ABITRAM: variants seen among roughly 807,000 people sequenced by gnomAD.
ABITRAM encodes the protein protein Abitram.
Under a neutral mutation model 22.9 loss-of-function variants are expected in ABITRAM, and 19 were observed. The observed-to-expected ratio is 0.83, with a 90% CI of 0.58 to 1.22. The LOEUF is 1.22. Among genes scored for constraint, ABITRAM ranks in the 50% most tolerant of loss-of-function variants. The pLI, the probability that ABITRAM is intolerant of heterozygous loss-of-function variation, is 0.00. For synonymous variants in ABITRAM, 70 were observed against 73.9 expected (o/e 0.95, Z 0.27); for missense variants, 215 against 220.2 (o/e 0.98, Z 0.15).
intron 1 of ABITRAM, 24 bp from the exon 2 acceptor site, chr9:108,935,614 C>G (rs1360512902): frequency 1.9e-6 from 3 of 1,599,760 alleles, no homozygotes; most frequent in Non-Finnish European, 2.6e-6. Context: ...TTTCAGCCAC[C>G]AACAGACTCA....
chr9:108,937,629 A>G lies in ABITRAM; in HGVS notation c.261+1192A>G, dbSNP rs570932245. The stretch of plus-strand genomic sequence containing the variant: ...GAAAAGCATGCACCTCTCTTAAACG[A>G]TAGTCTACAAGTTACAATAACACTT... On this transcript the variant is annotated intron_variant, in intron 3 of 5. Coordinates refer to ENST00000322940, the MANE Select transcript of ABITRAM (RefSeq NM_017832.4). Among the ~76,000 whole-genome samples the G allele has an allele frequency of 3.3e-5, 5 of 152,280 alleles. No individual in the cohort carries two copies. In the South Asian group the frequency reaches 6.2e-4, roughly 19 times the overall value.
intron 3 of ABITRAM, 64 bp downstream of exon 3, chr9:108,936,501 C>A: frequency 6.5e-7 from 1 of 1,542,212 alleles, no homozygotes; most frequent in Non-Finnish European, 8.8e-7. Context: ...ATGACAGATC[C>A]AATGAACCTT....
rs560717022 is a variant in ABITRAM, at chr9:108,936,579, C to G, written c.261+142C>G. On this transcript the variant is annotated intron_variant, in intron 3 of 5. Transcript: ENST00000322940. ...GAGGTGCTAATTTTAGGTATACTTT[C>G]ACCTAAAGAAATTCTCAGCTCCCCC... 8 of 890,502 alleles carry G rather than the reference C, an allele frequency of 9.0e-6. No individual in the cohort carries two copies. The South Asian group carries it at 1.2e-4, about 13-fold the overall frequency. 55.2% of individuals were successfully genotyped at this position (890,502 alleles called of 1,614,324 possible).
At chr9:108,942,968 A>G (rs777353674), downstream of ABITRAM, 5 of 1,612,470 alleles carry the variant, frequency 3.1e-6, no homozygotes, top group Non-Finnish European at 8.5e-7. Context: ...CACCTTCTTC[A>G]GCAGTTTATA....
downstream of ABITRAM, among the ~76,000 whole-genome samples, chr9:108,943,475 G>A (rs1830306652): frequency 6.6e-6 from 1 of 152,184 alleles, no homozygotes; most frequent in South Asian, 2.1e-4. Context: ...TTGAAGGGCA[G>A]CTGTTCAGTG....
Position 108,935,642 on chromosome 9 carries a change from C to T in ABITRAM, c.84C>T (p.Val28=). 1 of 1,612,472 alleles carries T rather than the reference C, an allele frequency of 6.2e-7. No homozygotes were observed. Among genetic ancestry groups the T allele is most frequent in the African/African-American group, 1.3e-5 (1 of 74,984 alleles). ...RYFTRWYKPD[V]KGKFCEDHCI... is the part of the protein sequence containing the mutation. ...CAGACTCATGTATTCTTCTAGATGT[C>T]AAAGGAAAATTTTGTGAGGACCACT... Residue 28 remains valine, a synonymous_variant, in exon 2 of 6, where the codon GTC becomes GTT. Transcript: ENST00000322940.
downstream of ABITRAM, chr9:108,942,458 A>G (rs1830269984): frequency 2.6e-6 from 1 of 390,708 alleles, no homozygotes; most frequent in Admixed American, 4.2e-5. Context: ...AGCTAAGCAC[A>G]TATTCAAAAT....
chr9:108,934,660 G>C (rs752766434), intron 1 of ABITRAM, 95 bp downstream of exon 1: 125 of 1,218,388 alleles, frequency 1.0e-4, no homozygotes, highest in Non-Finnish European at 1.4e-4. Flanking sequence ...CGCTCTCCCT[G>C]GCTCTCCGTC....
downstream of ABITRAM, chr9:108,940,965 G>A (rs1478703837): frequency 2.0e-5 from 3 of 152,022 alleles, no homozygotes; most frequent in Admixed American, 6.6e-5. Context: ...GAAATCATTC[G>A]ATGTATTAAT....
chr9:108,950,385 A>C (rs372923741), intron 3 of ABITRAM: 2 of 1,073,776 alleles, frequency 1.9e-6, no homozygotes, highest in Non-Finnish European at 2.6e-6. Flanking sequence ...AGTTAAGAAC[A>C]ATGGAAGGAA....
intron 3 of ABITRAM, among the ~76,000 whole-genome samples, chr9:108,938,244 A>G (rs936442423): frequency 2.0e-5 from 3 of 152,200 alleles, no homozygotes; most frequent in African/African-American, 4.8e-5. Flanking sequence ...TGACTCTAGT[A>G]TTTTAAAATG....
intron 2 of ABITRAM, chr9:108,935,993 A>G (rs1830180273): frequency 4.1e-6 from 2 of 491,696 alleles, no homozygotes; most frequent in South Asian, 2.6e-5. Flanking sequence ...GCCCACAGAA[A>G]GGGCTACGGT....
At chr9:108,946,365 G>A (rs1009909972) in intron 3 of ABITRAM, among the ~76,000 whole-genome samples, 7 of 150,548 alleles carry the variant, frequency 4.6e-5, no homozygotes, top group Admixed American at 2.0e-4. Flanking sequence ...TTTCCTTCTG[G>A]CTCACTTCAC....
At chr9:108,948,149 A>C in intron 3 of ABITRAM, 10 of 1,605,006 alleles carry the variant, frequency 6.2e-6, no homozygotes, top group Non-Finnish European at 8.5e-6. Context: ...TTTAGCCCGA[A>C]ATTAAAGTAC....
chr9:108,944,106 A>T (rs1263737037), downstream of ABITRAM: 1 of 1,285,038 alleles, frequency 7.8e-7, no homozygotes, highest in East Asian at 2.4e-5. Context: ...TTTACGTAGA[A>T]TTTTAAAAAT....
At chr9:108,945,089 G>A (rs1217206722), downstream of ABITRAM, among the ~76,000 whole-genome samples, 3 of 152,166 alleles carry the variant, frequency 2.0e-5, no homozygotes, top group Non-Finnish European at 4.4e-5. Context: ...GTCTCATACA[G>A]TATGATGGTT....
downstream of ABITRAM, among the ~76,000 whole-genome samples, chr9:108,944,862 AC>A (rs1409743141): frequency 8.5e-5 from 13 of 152,302 alleles, no homozygotes; most frequent in East Asian, 2.5e-3. Context: ...AAGGCTTAAC[AC>A]CTTGCTATCA....
At chr9:108,942,936 G>A, downstream of ABITRAM, 3 of 1,610,056 alleles carry the variant, frequency 1.9e-6, no homozygotes, top group African/African-American at 1.3e-5. Context: ...TAAAGTATGA[G>A]TCTAAAATAG....
At chr9:108,935,503 TGAAG>T (rs1217277122) in intron 1 of ABITRAM, 131 bp from the exon 2 acceptor site, 1 of 686,122 alleles carries the variant, frequency 1.5e-6, no homozygotes, top group Non-Finnish European at 2.6e-6. Context: ...TTTTGAGTAA[TGAAG>T]GGATACCCGT....
Sources: gnomAD v4.1 joint callset for allele counts (sites outside exome capture counted in the v4.1 genomes callset) on GRCh38, gnomAD v4.1.1 for gene constraint, MANE v1.5 for transcripts, NCBI Gene and HGNC (gene_info 2026-07-23, HGNC 2026-07-21) for gene names.